CTNNA3: variants seen among roughly 807,000 people sequenced by gnomAD.
CTNNA3 encodes catenin alpha-3.
In CTNNA3, 76 loss-of-function variants were observed where a neutral mutation model predicts 95.7. The observed-to-expected ratio is 0.79, with a 90% CI of 0.66 to 0.96. The LOEUF (loss-of-function observed/expected upper bound fraction) is 0.96, where lower values mean the gene tolerates loss of function less well. CTNNA3 is among the 40% of genes least tolerant of loss of function. CTNNA3 has a pLI of 0.00. For missense variants in CTNNA3, 1,191 were observed against 1,089.8 expected, an observed-to-expected ratio of 1.09 and a Z score of -1.31; for synonymous variants, 431 against 374.4, an observed-to-expected ratio of 1.15 and a Z score of -1.74.
chr10:67,681,207 T>A (rs1840620085), intron 1 of CTNNA3, among the ~76,000 whole-genome samples: 2 of 152,180 alleles, frequency 1.3e-5, no homozygotes, highest in South Asian at 4.1e-4. Context: ...ATTATGTGAT[T>A]ACATCTAGGA....
At chr10:67,334,854 C>T in intron 5 of CTNNA3, 1 of 166,522 alleles carries the variant, frequency 6.0e-6, no homozygotes, top group East Asian at 1.3e-4. Flanking sequence ...CTAGAAAAGG[C>T]AAAGACTAAA....
chr10:66,618,508 G>T (rs370487485), intron 10 of CTNNA3, among the ~76,000 whole-genome samples: 8 of 152,122 alleles, frequency 5.3e-5, no homozygotes, highest in African/African-American at 1.2e-4. Context: ...GCTAGCCATA[G>T]GTAGAAAGCT....
upstream of CTNNA3, among the ~76,000 whole-genome samples, chr10:67,700,890 C>T (rs1029921850): frequency 1.3e-5 from 2 of 152,034 alleles, no homozygotes; most frequent in Admixed American, 6.6e-5. Context: ...AAAATTTAGA[C>T]GAATATATAA....
chr10:66,779,225 G>T (rs1840432914), intron 7 of CTNNA3, among the ~76,000 whole-genome samples: 1 of 152,032 alleles, frequency 6.6e-6, no homozygotes, highest in Admixed American at 6.6e-5. Flanking sequence ...ACCTTAATGG[G>T]TCTTTTCTAT....
intron 5 of CTNNA3, among the ~76,000 whole-genome samples, chr10:67,433,106 T>G (rs1293850407): frequency 2.0e-5 from 3 of 152,074 alleles, no homozygotes; most frequent in Non-Finnish European, 4.4e-5. Flanking sequence ...ACTTAACTAT[T>G]TTTAGCTTTT....
intron 14 of CTNNA3, among the ~76,000 whole-genome samples, chr10:66,078,204 C>T (rs1358834831): frequency 6.6e-6 from 1 of 151,832 alleles, no homozygotes; most frequent in Non-Finnish European, 1.5e-5. Context: ...ACCTCTAGAA[C>T]CTAAAGGAGT....
At chr10:66,276,331 A>C (rs2091398171) in intron 13 of CTNNA3, among the ~76,000 whole-genome samples, 1 of 152,122 alleles carries the variant, frequency 6.6e-6, no homozygotes, top group Non-Finnish European at 1.5e-5. Context: ...GTTATAGGAA[A>C]AATTTTACCT....
At chr10:66,410,699 C>A (rs1454572615) in intron 11 of CTNNA3, among the ~76,000 whole-genome samples, 1 of 152,112 alleles carries the variant, frequency 6.6e-6, no homozygotes, top group African/African-American at 2.4e-5. Flanking sequence ...CATAAATAAT[C>A]TTTGTCAGGA....
intron 1 of CTNNA3, among the ~76,000 whole-genome samples, chr10:67,723,186 C>T (rs1841190194): frequency 1.3e-5 from 2 of 151,890 alleles, no homozygotes; most frequent in South Asian, 4.2e-4. Flanking sequence ...GGGGTTTTGC[C>T]ATATTGGCCA....
intron 11 of CTNNA3, among the ~76,000 whole-genome samples, chr10:66,443,353 T>C (rs891719281): frequency 6.6e-6 from 1 of 152,194 alleles, no homozygotes; most frequent in Non-Finnish European, 1.5e-5. Flanking sequence ...ACAGGCAGAC[T>C]GCCTCCTTAA....
chr10:66,033,146 T>TC (rs1040638834), intron 15 of CTNNA3, among the ~76,000 whole-genome samples: 6 of 150,262 alleles, frequency 4.0e-5, no homozygotes, highest in African/African-American at 1.5e-4. Flanking sequence ...TTTTTTTTTT[T>TC]TTTGAGACGA....
intron 7 of CTNNA3, among the ~76,000 whole-genome samples, chr10:66,888,354 C>A (rs543254765): frequency 6.6e-6 from 1 of 152,290 alleles, no homozygotes; most frequent in African/African-American, 2.4e-5. Flanking sequence ...AGGAAGCCAG[C>A]CCTCCTGACA....
intron 12 of CTNNA3, among the ~76,000 whole-genome samples, chr10:66,347,843 C>G (rs1367368848): frequency 6.6e-6 from 1 of 151,808 alleles, no homozygotes; most frequent in East Asian, 1.9e-4. Context: ...ATGAGACTAC[C>G]CATCATGTAT....
chr10:66,675,903 G>A lies in CTNNA3; in HGVS notation c.1282-54119C>T, dbSNP rs538505869. Among the ~76,000 whole-genome samples the A allele has an allele frequency of 6.0e-4, 91 of 152,164 alleles. 1 individual carries two copies. Among genetic ancestry groups the A allele is most frequent in the African/African-American group, 1.9e-3 (79 of 41,516 alleles). ...GAGAAAGCAAAGGCTATGCCACCCA[G>A]AAATTTGAATCTGGAAACACAGAAG... On this transcript the variant is annotated intron_variant, in intron 9 of 17. Coordinates refer to ENST00000433211, the MANE Select transcript of CTNNA3 (RefSeq NM_013266.4).
chr10:67,040,265 G>C (rs1015537864), intron 7 of CTNNA3, among the ~76,000 whole-genome samples: 1 of 152,110 alleles, frequency 6.6e-6, no homozygotes, highest in Non-Finnish European at 1.5e-5. Context: ...AAGGGTTCCA[G>C]ATAAGATGAA....
At chr10:66,041,450 T>A (rs2079686632) in intron 15 of CTNNA3, among the ~76,000 whole-genome samples, 1 of 152,238 alleles carries the variant, frequency 6.6e-6, no homozygotes, top group African/African-American at 2.4e-5. Flanking sequence ...ACTATGGTTA[T>A]GTAAGATGTT....
chr10:67,290,915 A>G (rs145640865), intron 5 of CTNNA3, among the ~76,000 whole-genome samples: 1 of 152,152 alleles, frequency 6.6e-6, no homozygotes, highest in Non-Finnish European at 1.5e-5. Context: ...CTGCTAATCC[A>G]TGTTCAGTCT....
chr10:66,539,242 A>C (rs1470868665), intron 10 of CTNNA3, among the ~76,000 whole-genome samples: 2 of 152,106 alleles, frequency 1.3e-5, no homozygotes, highest in Admixed American at 6.6e-5. Flanking sequence ...ATTTCCTTGA[A>C]GTGGGAGAGG....
At chr10:67,178,550 T>C (rs10997552) in intron 7 of CTNNA3, among the ~76,000 whole-genome samples, 3,295 of 152,234 alleles carry the variant, frequency 0.022, 93 homozygotes, top group African/African-American at 0.072. Flanking sequence ...ATTTTCATTT[T>C]GTATTAGGCC....
Sources: allele counts gnomAD v4.1 joint callset (sites outside exome capture counted in the v4.1 genomes callset), GRCh38; gene constraint gnomAD v4.1.1; transcripts MANE v1.5; gene names NCBI Gene and HGNC (gene_info 2026-07-23, HGNC 2026-07-21).